WDSUB1: variants seen among roughly 807,000 people sequenced by gnomAD.
The protein encoded by WDSUB1 is WD repeat, SAM and U-box domain-containing protein 1.
In WDSUB1, 49 loss-of-function variants were observed where a neutral mutation model predicts 53.9. The ratio of observed to expected loss-of-function variants is 0.91; its 90% CI spans 0.72 to 1.15. The LOEUF (loss-of-function observed/expected upper bound fraction) is 1.15, where lower values mean the gene tolerates loss of function less well. WDSUB1 is among the 50% of genes most tolerant of loss of function. The pLI, the probability that WDSUB1 is intolerant of heterozygous loss-of-function variation, is 0.00. For synonymous variants in WDSUB1, 194 were observed against 200.6 expected (o/e 0.97, Z 0.28); for missense variants, 514 against 562.0 (o/e 0.91, Z 0.86).
In WDSUB1 at chr2:159,248,431, G is replaced by C; in HGVS notation, c.1214C>G (p.Pro405Arg). 1 of 1,607,882 alleles carries C rather than the reference G, an allele frequency of 6.2e-7. No homozygotes were observed. Among genetic ancestry groups the C allele is most frequent in the Non-Finnish European group, 8.5e-7 (1 of 1,178,120 alleles). The change falls in exon 10 of 11, where the codon CCT becomes CGT. Residue 405 changes from proline (P) to arginine (R), a missense_variant. By Grantham distance (103) the Pro-to-Arg change is moderately radical. Coordinates refer to ENST00000359774, the MANE Select transcript of WDSUB1 (RefSeq NM_001128212.3). ...AGTTATTGGACATATAAATTCATCA[G>C]GAATTCCTGAAGAAAGGGATTTAAC... ...TKVKSLSSGIPDEFICPITRE... is the reference protein window; with the variant it reads ...TKVKSLSSGIRDEFICPITRE...
At chr2:159,256,490 T>A in intron 8 of WDSUB1, 115 bp from the exon 9 acceptor site, 2 of 1,083,846 alleles carry the variant, frequency 1.8e-6, no homozygotes, top group Non-Finnish European at 2.6e-6. Flanking sequence ...TATAGCTAGG[T>A]ACAGTGGCTC....
chr2:159,282,605 G>T, intron 2 of WDSUB1, 67 bp downstream of exon 2: 1 of 1,517,276 alleles, frequency 6.6e-7, no homozygotes, highest in Non-Finnish European at 8.9e-7. Context: ...AAAATATTTT[G>T]CTTTCAGTTT....
chr2:159,241,984 C>CAAAT (rs2151044989), intron 10 of WDSUB1, among the ~76,000 whole-genome samples: 1 of 147,620 alleles, frequency 6.8e-6, no homozygotes, highest in Admixed American at 6.6e-5. Context: ...CATGTACTTC[C>CAAAT]AAATACACTG....
At chr2:159,260,548 T>G (rs1313354068) in intron 5 of WDSUB1, among the ~76,000 whole-genome samples, 1 of 152,230 alleles carries the variant, frequency 6.6e-6, no homozygotes, top group Non-Finnish European at 1.5e-5. Flanking sequence ...CCTTAAATGC[T>G]AATCAATGTA....
intron 6 of WDSUB1, among the ~76,000 whole-genome samples, chr2:159,258,968 T>C (rs1238684178): frequency 6.6e-6 from 1 of 152,202 alleles, no homozygotes; most frequent in South Asian, 2.1e-4. Flanking sequence ...TTTGCTGGCA[T>C]AGCTACAGCA....
chr2:159,276,344 G>A (rs1354356361), intron 3 of WDSUB1, among the ~76,000 whole-genome samples: 5 of 152,198 alleles, frequency 3.3e-5, no homozygotes, highest in African/African-American at 1.2e-4. Context: ...ACAGGCGTGA[G>A]CCACTGCACT....
chr2:159,265,126 A>AAC (rs1558861064), intron 5 of WDSUB1, among the ~76,000 whole-genome samples: 73 of 140,324 alleles, frequency 5.2e-4, no homozygotes, highest in African/African-American at 1.5e-3. Flanking sequence ...ACAACAACAA[A>AAC]AAAAAACAAC....
chr2:159,240,825 G>C (rs1165851968), intron 10 of WDSUB1, among the ~76,000 whole-genome samples: 1 of 152,056 alleles, frequency 6.6e-6, no homozygotes. Context: ...CTTCCAGAAA[G>C]GACAACTATA....
At chr2:159,275,760 G>C (rs1056064605) in intron 3 of WDSUB1, 122 bp from the exon 4 acceptor site, 1 of 697,834 alleles carries the variant, frequency 1.4e-6, no homozygotes, top group Non-Finnish European at 2.3e-6. Flanking sequence ...CAAGTTATTA[G>C]TTAACTTATA....
At position 159,282,774 on chromosome 2, in the gene WDSUB1, G is replaced by A. The variant is rs759786292; in HGVS notation, c.296C>T (p.Pro99Leu). ...LAVMEQPSGS[P>L]VRVCQFSPDS... ...TGGGGAAAACTGGCAAACCCTCACA[G>A]GGCTGCCACTAGGCTGTTCCATCAC... The change falls in exon 2 of 11, where the codon CCT becomes CTT. Residue 99 changes from proline (P) to leucine (L), a missense_variant. Coordinates refer to ENST00000359774, the MANE Select transcript of WDSUB1 (RefSeq NM_001128212.3). The A allele has an allele frequency of 3.1e-6, 5 of 1,614,046 alleles. No homozygotes were observed. The highest frequency in any genetic ancestry group is 2.7e-5 in the African/African-American group (2 of 74,906).
At chr2:159,245,236 C>T (rs1200116970) in intron 10 of WDSUB1, among the ~76,000 whole-genome samples, 1 of 152,100 alleles carries the variant, frequency 6.6e-6, no homozygotes, top group Non-Finnish European at 1.5e-5. Flanking sequence ...TCAAGACTTA[C>T]TATAAAGCAG....
intron 10 of WDSUB1, among the ~76,000 whole-genome samples, chr2:159,240,199 G>A (rs2060607511): frequency 6.6e-6 from 1 of 151,702 alleles, no homozygotes; most frequent in South Asian, 2.1e-4. Context: ...TTTTTCCAAG[G>A]TCCATCCTCT....
rs1482144780 is a variant in WDSUB1 at position 159,236,017 on chromosome 2, T to A, written c.*16A>T. On this transcript the variant is annotated 3_prime_UTR_variant, in exon 11 of 11. Transcript: ENST00000359774. ...ATGAGATCACTGAAAATATAAATAA[T>A]ACAATATCAACAATTTTACTTTTGG... is the stretch of plus-strand genomic sequence containing the variant. 10 of 1,583,616 alleles carry A rather than the reference T, an allele frequency of 6.3e-6. No homozygotes were observed. Among genetic ancestry groups the A allele is most frequent in the Non-Finnish European group, 8.6e-6 (10 of 1,168,756 alleles).
intron 10 of WDSUB1, among the ~76,000 whole-genome samples, chr2:159,239,829 C>T (rs2060595961): frequency 6.6e-6 from 1 of 152,168 alleles, no homozygotes; most frequent in Non-Finnish European, 1.5e-5. Context: ...GTGTAGCTCC[C>T]CCACCTTGGG....
At chr2:159,273,556 G>A (rs1396798345) in intron 4 of WDSUB1, among the ~76,000 whole-genome samples, 1 of 152,008 alleles carries the variant, frequency 6.6e-6, no homozygotes, top group East Asian at 1.9e-4. Flanking sequence ...AAGAAGCTGG[G>A]ACTACAGGTG....
At chr2:159,263,156 A>G (rs557360899) in intron 5 of WDSUB1, among the ~76,000 whole-genome samples, 4 of 152,350 alleles carry the variant, frequency 2.6e-5, no homozygotes, top group African/African-American at 9.6e-5. Context: ...AGACTCCTCG[A>G]GATCCGTGAC....
chr2:159,266,212 A>G (rs1238934113), intron 5 of WDSUB1, among the ~76,000 whole-genome samples: 1 of 151,922 alleles, frequency 6.6e-6, no homozygotes, highest in African/African-American at 2.4e-5. Context: ...TTTTTGAGAC[A>G]GAGTCTTGCT....
chr2:159,244,618 T>TAC (rs1245503383), intron 10 of WDSUB1, among the ~76,000 whole-genome samples: 1 of 152,088 alleles, frequency 6.6e-6, no homozygotes, highest in African/African-American at 2.4e-5. Flanking sequence ...GCTCAAATTG[T>TAC]ACAGTTATAA....
intron 5 of WDSUB1, among the ~76,000 whole-genome samples, chr2:159,261,304 A>G (rs556714494): frequency 1.3e-5 from 2 of 152,348 alleles, no homozygotes; most frequent in African/African-American, 4.8e-5. Context: ...ACCATTTTAT[A>G]TAAGGGACTT....
Sources: gnomAD v4.1 joint callset for allele counts (sites outside exome capture counted in the v4.1 genomes callset) on GRCh38, gnomAD v4.1.1 for gene constraint, MANE v1.5 for transcripts, NCBI Gene and HGNC (gene_info 2026-07-23, HGNC 2026-07-21) for gene names.